PCDHAC1: variants seen among roughly 807,000 people sequenced by gnomAD.
PCDHAC1 encodes protocadherin alpha subfamily C, 1.
Under a neutral mutation model 60.0 loss-of-function variants are expected in PCDHAC1, and 42 were observed. The ratio of observed to expected loss-of-function variants is 0.70; its 90% CI spans 0.55 to 0.90. PCDHAC1 has a LOEUF of 0.90. Ranked by LOEUF, PCDHAC1 falls within the 40% of genes least tolerant of loss-of-function variation. The probability of loss-of-function intolerance (pLI) is 0.00; values close to 1 mark genes in which losing one functional copy is unlikely to be tolerated. For synonymous variants in PCDHAC1, 468 were observed against 499.3 expected (o/e 0.94, Z 0.84); for missense variants, 1,160 against 1,222.3 (o/e 0.95, Z 0.76).
At position 140,982,295 on chromosome 5, in the gene PCDHAC1, G is replaced by A. The variant is rs1047633434; in HGVS notation, c.2493-180G>A. ...AGTATAGCAGGCAATAAGTAAGTCA[G>A]CAATGCTTCTGCAGTTTATGCAGGG... On this transcript the variant is annotated intron_variant, in intron 2 of 3. Coordinates refer to ENST00000253807, the MANE Select transcript of PCDHAC1 (RefSeq NM_018898.5). The A allele has an allele frequency of 3.4e-6, 4 of 1,160,172 alleles. No homozygotes were observed. In the Admixed American group the frequency reaches 8.4e-5, roughly 25 times the overall value. 71.9% of individuals were successfully genotyped at this position (1,160,172 alleles called of 1,614,324 possible).
chr5:140,967,985 A>G, intron 1 of PCDHAC1: 3 of 1,614,218 alleles, frequency 1.9e-6, no homozygotes, highest in East Asian at 4.5e-5. Flanking sequence ...TCTGGAGGCC[A>G]CACTGCCTTT....
In PCDHAC1 at chr5:140,929,377, C is replaced by G. The variant is rs1436728913; in HGVS notation, c.2433+52C>G. 3 of 1,514,232 alleles carry G rather than the reference C, an allele frequency of 2.0e-6. No homozygotes were observed. In the African/African-American group the frequency reaches 4.2e-5, roughly 21 times the overall value. The allele number at this position is 1,514,232 out of a possible 1,614,324, so 93.8% of individuals were successfully genotyped here. Reference sequence around the variant, plus strand: ...CCTTTGGCCCGGAGATGGCTGCTAGCTGTGTTTTGAAATATTTCTTAGACA... The same window carrying G: ...CCTTTGGCCCGGAGATGGCTGCTAGGTGTGTTTTGAAATATTTCTTAGACA... On this transcript the variant is annotated intron_variant, in intron 1 of 3. Coordinates refer to ENST00000253807, the MANE Select transcript of PCDHAC1 (RefSeq NM_018898.5).
chr5:141,007,517 G>A (rs2098333696), intron 3 of PCDHAC1, among the ~76,000 whole-genome samples: 1 of 151,984 alleles, frequency 6.6e-6, no homozygotes, highest in African/African-American at 2.4e-5. Flanking sequence ...GCAGTGAGCT[G>A]ATATCTCGCC....
chr5:140,949,935 T>C (rs1554219235), intron 1 of PCDHAC1, among the ~76,000 whole-genome samples: 1 of 151,898 alleles, frequency 6.6e-6, no homozygotes, highest in East Asian at 1.9e-4. Context: ...TTTTTTTTAA[T>C]TTGCATTTTT....
At chr5:140,966,796 G>A (rs1255615650) in intron 1 of PCDHAC1, 8 of 1,535,610 alleles carry the variant, frequency 5.2e-6, no homozygotes, top group African/African-American at 1.4e-5. Flanking sequence ...GACCTGCGGC[G>A]ACAGAGCATC....
Position 140,927,988 on chromosome 5 carries a change from G to A in PCDHAC1, c.1096G>A (p.Asp366Asn), listed in dbSNP as rs782075633. The A allele has an allele frequency of 6.2e-6, 10 of 1,614,200 alleles. No homozygotes were observed. Among genetic ancestry groups the A allele is most frequent in the South Asian group, 1.1e-5 (1 of 91,076 alleles). ...GTVIALFSVK[D>N]EDLDSNGRVI... The stretch of plus-strand genomic sequence containing the variant: ...AGTGATTGCTCTCTTTAGTGTAAAG[G>A]ATGAAGACCTCGATTCTAATGGTAG... The change falls in exon 1 of 4, where the codon GAT (aspartate) becomes AAT (asparagine). Residue 366 changes from aspartate to asparagine, a missense_variant. Transcript: ENST00000253807.
intron 1 of PCDHAC1, among the ~76,000 whole-genome samples, chr5:140,961,947 G>A (rs1183967245): frequency 6.6e-6 from 1 of 150,956 alleles, no homozygotes; most frequent in Non-Finnish European, 1.5e-5. Flanking sequence ...GCAGTGGCAT[G>A]ATCTCGGCTC....
intron 1 of PCDHAC1, among the ~76,000 whole-genome samples, chr5:140,939,281 G>A (rs1554212652): frequency 6.6e-6 from 1 of 152,014 alleles, no homozygotes; most frequent in African/African-American, 2.4e-5. Context: ...CTGTGCCCTC[G>A]TGATCTAATC....
chr5:140,961,114 A>G (rs2095591473), intron 1 of PCDHAC1, among the ~76,000 whole-genome samples: 1 of 152,212 alleles, frequency 6.6e-6, no homozygotes, highest in African/African-American at 2.4e-5. Flanking sequence ...ACCCCCTTGC[A>G]TCTTAATGTC....
chr5:140,929,153 A>T lies in PCDHAC1; in HGVS notation c.2261A>T (p.Tyr754Phe). The T allele has an allele frequency of 6.2e-7, 1 of 1,614,164 alleles. No homozygotes were observed. Among genetic ancestry groups the T allele is most frequent in the African/African-American group, 1.3e-5 (1 of 75,024 alleles). The change falls in exon 1 of 4, where the codon TAT becomes TTT. Residue 754 changes from tyrosine (Y) to phenylalanine (F), a missense_variant. Tyr to Phe is a conservative substitution (Grantham distance 22, BLOSUM62 3). Transcript: ENST00000253807. ...ACAGTTGAGAGACTTTCTCAGACTT[A>T]TCTCTATCGGGCCTCTCTGGGACTT... ...VTTVERLSQT[Y>F]LYRASLGLGS... is the part of the protein sequence containing the mutation.
At chr5:140,968,288 C>G in intron 1 of PCDHAC1, 2 of 1,613,976 alleles carry the variant, frequency 1.2e-6, no homozygotes, top group South Asian at 2.2e-5. Flanking sequence ...GACCTACTCC[C>G]TTCTGGAGAG....
At chr5:140,943,608 T>C (rs1585137347) in intron 1 of PCDHAC1, among the ~76,000 whole-genome samples, 1 of 152,184 alleles carries the variant, frequency 6.6e-6, no homozygotes, top group Non-Finnish European at 1.5e-5. Flanking sequence ...ATATAGACTT[T>C]GATTCATCTG....
intron 3 of PCDHAC1, among the ~76,000 whole-genome samples, chr5:141,008,072 T>C (rs1419103459): frequency 2.0e-5 from 3 of 152,272 alleles, no homozygotes; most frequent in Admixed American, 6.5e-5. Context: ...TAAGAACTTA[T>C]TGGGGTTATT....
At chr5:140,937,945 G>T (rs1464890227) in intron 1 of PCDHAC1, among the ~76,000 whole-genome samples, 1 of 151,840 alleles carries the variant, frequency 6.6e-6, no homozygotes, top group Non-Finnish European at 1.5e-5. Context: ...TTGATAATTG[G>T]CTTTTGTTGA....
Position 140,982,486 on chromosome 5 carries a change from T to C in PCDHAC1, c.2504T>C (p.Leu835Pro). ...LRAGMHSSVH[L>P]EEAGILRAGP... Reference sequence around the variant, plus strand: ...GTGTGTTTATTCAGCTCTGTGCACCTAGAGGAGGCTGGCATTCTACGGGCT... The same window carrying C: ...GTGTGTTTATTCAGCTCTGTGCACCCAGAGGAGGCTGGCATTCTACGGGCT... Residue 835 changes from leucine to proline, a missense_variant, in exon 3 of 4, where the codon CTA (leucine) becomes CCA (proline). Physicochemically the swap from Leu to Pro is moderately conservative, Grantham distance 98. This residue lies in a region of PCDHAC1 where 1,113 missense variants were observed against 1,163.7 expected (regional missense o/e 0.96). Coordinates refer to ENST00000253807, the MANE Select transcript of PCDHAC1 (RefSeq NM_018898.5). The C allele has an allele frequency of 6.2e-7, 1 of 1,614,180 alleles. No individual in the cohort carries two copies. Among genetic ancestry groups the C allele is most frequent in the South Asian group, 1.1e-5 (1 of 91,086 alleles).
At chr5:140,974,828 A>T (rs2096642920) in intron 1 of PCDHAC1, among the ~76,000 whole-genome samples, 1 of 152,188 alleles carries the variant, frequency 6.6e-6, no homozygotes, top group Non-Finnish European at 1.5e-5. Flanking sequence ...CAACATAATG[A>T]TTATTTTAAA....
At chr5:140,968,818 T>C in intron 1 of PCDHAC1, 1 of 1,614,188 alleles carries the variant, frequency 6.2e-7, no homozygotes, top group South Asian at 1.1e-5. Flanking sequence ...TGGATAGGGT[T>C]TCCAAAATCC....
chr5:140,984,325 G>C (rs2097097043), intron 3 of PCDHAC1, among the ~76,000 whole-genome samples: 1 of 152,168 alleles, frequency 6.6e-6, no homozygotes, highest in Admixed American at 6.5e-5. Flanking sequence ...CTAGGCAAAT[G>C]TGGAATAGGA....
chr5:140,983,897 G>A (rs155365), intron 3 of PCDHAC1, among the ~76,000 whole-genome samples: 149,305 of 152,360 alleles, frequency 0.98, 73,183 homozygotes, highest in Middle Eastern at 1. Flanking sequence ...AAGGGCATTC[G>A]TTGATTCTAA....
Sources: gnomAD v4.1 joint callset for allele counts (sites outside exome capture counted in the v4.1 genomes callset) on GRCh38, gnomAD v4.1.1 for gene constraint, gnomAD v4.1.1 regional missense constraint, MANE v1.5 for transcripts, NCBI Gene and HGNC (gene_info 2026-07-23, HGNC 2026-07-21) for gene names.